SLC22A31: variants seen among roughly 807,000 people sequenced by gnomAD.
SLC22A31 encodes putative solute carrier family 22 member 31.
Under a neutral mutation model 27.4 loss-of-function variants are expected in SLC22A31, and 42 were observed. That is an observed-to-expected ratio of 1.53 (90% confidence interval 1.20 to 1.98). The LOEUF (loss-of-function observed/expected upper bound fraction) is 1.98. SLC22A31 is among the 30% of genes most tolerant of loss of function. The pLI is 0.00. For missense variants in SLC22A31, 593 were observed against 479.9 expected, an observed-to-expected ratio of 1.24 and a Z score of -2.20; for synonymous variants, 290 against 230.8, an observed-to-expected ratio of 1.26 and a Z score of -2.33.
chr16:89,198,170 T>A lies in SLC22A31; in HGVS notation c.874A>T (p.Thr292Ser). ...AGGGATGCCAGGCCTGTGACCATGGTGCCCAGCAGCAGCACGGGGCGGCGT... is the reference window on the plus strand; with the variant it reads ...AGGGATGCCAGGCCTGTGACCATGGAGCCCAGCAGCAGCACGGGGCGGCGT... Reference protein sequence around the residue: ...CGRRPVLLLGTMVTGLASLLL... With the variant: ...CGRRPVLLLGSMVTGLASLLL... Residue 292 changes from threonine to serine, a missense_variant, in exon 7 of 9, where the codon ACC (threonine) becomes TCC (serine). Transcript: ENST00000682282. The A allele has an allele frequency of 2.0e-6, 3 of 1,535,138 alleles. No homozygotes were observed. The highest frequency in any genetic ancestry group is 2.6e-6 in the Non-Finnish European group (3 of 1,146,796).
Position 89,199,784 on chromosome 16 carries a change from G to A in SLC22A31, c.57C>T (p.Val19=), listed in dbSNP as rs920374826. The part of the protein sequence containing the change: ...WNLVCGDGWK[V]PLEQVSHLLG... The stretch of plus-strand genomic sequence containing the variant: ...GGAGGTGGCTCACCTGCTCCAGCGG[G>A]ACCTTCCAGCCGTCTCCACACACAA... Residue 19 remains valine (V), a synonymous_variant, in exon 2 of 9, where the codon GTC becomes GTT. Transcript: ENST00000682282. The A allele has an allele frequency of 7.4e-6, 3 of 403,852 alleles. No individual in the cohort carries two copies. The highest frequency in any genetic ancestry group is 6.2e-5 in the African/African-American group (3 of 48,726). The allele number at this position is 403,852 out of a possible 1,614,324, so 25.0% of individuals were successfully genotyped here.
chr16:89,198,073 C>T (rs117296012), intron 7 of SLC22A31, 49 bp downstream of exon 7: 91,781 of 1,520,614 alleles, frequency 0.06, 3,147 homozygotes, highest in Non-Finnish European at 0.07. Context: ...GGCAGACCGT[C>T]GGCCCAAACA....
chr16:89,198,869 C>T lies in SLC22A31; in HGVS notation c.453-72G>A, dbSNP rs565432658. 1.2e-5 allele frequency: 18 copies of T among 1,494,722 alleles called. No homozygotes were observed. In the South Asian group the frequency reaches 2.2e-4, roughly 18 times the overall value. The allele number at this position is 1,494,722 out of a possible 1,614,324, so 92.6% of individuals were successfully genotyped here. On this transcript the variant is annotated intron_variant, in intron 4 of 8. Transcript: ENST00000682282. Reference sequence around the variant, plus strand: ...GAAGGAGAGGCAAAGGCCAGGGCCCCCACCCCACCCCCAGGCTCAGGGGCA... The same window carrying T: ...GAAGGAGAGGCAAAGGCCAGGGCCCTCACCCCACCCCCAGGCTCAGGGGCA...
Position 89,198,673 on chromosome 16 carries a change from C to T in SLC22A31, c.577G>A (p.Glu193Lys), listed in dbSNP as rs554669237. The part of the protein sequence containing the change: ...SGVGPGDSSL[E>K]ENSLATELTM... ...TGACCTGTAGCCAGGGAGTTCTCCT[C>T]CAAGGAACTGTCCCCGGGGCCCACG... Residue 193 changes from glutamate to lysine, a missense_variant, in exon 5 of 9, where the codon GAG (glutamate) becomes AAG (lysine). Coordinates refer to ENST00000682282, the MANE Select transcript of SLC22A31 (RefSeq NM_001384763.1). 2.6e-4 allele frequency: 400 copies of T among 1,535,774 alleles called. 1 individual carries two copies. The highest frequency in any genetic ancestry group is 3.4e-4 in the Non-Finnish European group (387 of 1,146,802).
chr16:89,198,280 G>A lies in SLC22A31; in HGVS notation c.764C>T (p.Pro255Leu), dbSNP rs572995617. The change falls in exon 7 of 9, where the codon CCG (proline) becomes CTG (leucine). Residue 255 changes from proline to leucine, a missense_variant. By Grantham distance (98) the Pro-to-Leu change is moderately conservative. Transcript: ENST00000682282. ...SFRRSLAPQVPTFYLPYFLEA... is the reference protein window; with the variant it reads ...SFRRSLAPQVLTFYLPYFLEA... The stretch of plus-strand genomic sequence containing the variant: ...CAGGAAGTAGGGCAGGTAGAAGGTC[G>A]GCACCTGAGGTGCCAGGCTGCGGCG... The A allele has an allele frequency of 5.9e-6, 9 of 1,535,814 alleles. No individual in the cohort carries two copies. The highest frequency in any genetic ancestry group is 2.7e-5 in the African/African-American group (2 of 73,044).
upstream of SLC22A31, chr16:89,201,240 G>C (rs1361727087): frequency 5.4e-6 from 2 of 369,950 alleles, no homozygotes; most frequent in African/African-American, 4.2e-5. Flanking sequence ...AGGGCTGCGG[G>C]GCAGCAGGGA....
At position 89,198,346 on chromosome 16, in the gene SLC22A31, A is replaced by T; in HGVS notation, c.708-10T>A. On this transcript the variant is annotated splice_polypyrimidine_tract_variant and intron_variant, in intron 6 of 8. Transcript: ENST00000682282. ...GCCTCCACCAACCAGCCTGGGAGAG[A>T]GAGCAAATCTATGGGCCCAGCCAGA... 1 of 1,535,768 alleles carries T rather than the reference A, an allele frequency of 6.5e-7. No homozygotes were observed. The highest frequency in any genetic ancestry group is 1.2e-5 in the South Asian group (1 of 84,054).
In SLC22A31 at chr16:89,196,089, T is replaced by A; in HGVS notation, c.1251A>T (p.Pro417=). The change falls in exon 9 of 9, where the codon CCA becomes CCT. Residue 417 remains proline, a synonymous_variant. Transcript: ENST00000682282. ...CCTGGCGGGGGCGGCCCCGCAGGAG[T>A]GGGGAGCGGCGCAGGCGGTCGGCGT... ...LQDADRLRRS[P]LLRGRPRQDH... The A allele has an allele frequency of 2.0e-6, 3 of 1,530,440 alleles. No homozygotes were observed. The highest frequency in any genetic ancestry group is 2.0e-5 in the Admixed American group (1 of 50,752). The allele number at this position is 1,530,440 out of a possible 1,614,324, so 94.8% of individuals were successfully genotyped here.
At chr16:89,199,379 C>G (rs1342566587) in intron 3 of SLC22A31, 34 bp downstream of exon 3, 11 of 609,730 alleles carry the variant, frequency 1.8e-5, no homozygotes, top group Non-Finnish European at 2.8e-5. Context: ...CCCACTGCCC[C>G]TCCCCCAGTG....
rs1344890485 is a variant in SLC22A31 at position 89,198,123 on chromosome 16, C to T, written c.921G>A (p.Gln307=). The change falls in exon 7 of 9, where the codon CAG becomes CAA. Residue 307 remains glutamine, a splice_region_variant and synonymous_variant. Coordinates refer to ENST00000682282, the MANE Select transcript of SLC22A31 (RefSeq NM_001384763.1). ...TGGCCTGCGGGGCCCCAAGCTCACA[C>T]TGGGCCCCAGCGAGGAGCAGCAGGG... ...LASLLLLAGA[Q]YLPGWTVLFL... 6 of 1,504,956 alleles carry T rather than the reference C, an allele frequency of 4.0e-6. No individual in the cohort carries two copies. The Admixed American group carries it at 9.9e-5, about 25-fold the overall frequency. 93.2% of individuals were successfully genotyped at this position (1,504,956 alleles called of 1,614,324 possible).
In SLC22A31 at chr16:89,199,435, G is replaced by T. The variant is rs1916336094; in HGVS notation, c.261C>A (p.Ala87=). Residue 87 remains alanine, a synonymous_variant, in exon 3 of 9, where the codon GCC becomes GCA. Coordinates refer to ENST00000682282, the MANE Select transcript of SLC22A31 (RefSeq NM_001384763.1). ...CACGAGCCAGATACAGGGCGAGGAG[G>T]GCCCCTGCCAATGTGCCCCCGTGGA... ...RLLHGGTLAG[A]LLALYLARLE... The T allele has an allele frequency of 3.7e-6, 2 of 542,936 alleles. No homozygotes were observed. The highest frequency in any genetic ancestry group is 3.8e-5 in the African/African-American group (2 of 53,164). The allele number at this position is 542,936 out of a possible 1,614,324, so 33.6% of individuals were successfully genotyped here. A position where few individuals can be genotyped will look rare whatever the true frequency, so the allele number is the denominator to read the frequency against.
At chr16:89,200,648 C>T (rs764261404), upstream of SLC22A31, among the ~76,000 whole-genome samples, 1 of 152,146 alleles carries the variant, frequency 6.6e-6, no homozygotes, top group Non-Finnish European at 1.5e-5. Context: ...TGGGGCCAGT[C>T]CTCCCAGGAT....
Position 89,198,437 on chromosome 16 carries a change from C to T in SLC22A31, c.707+5G>A. On this transcript the variant is annotated splice_donor_5th_base_variant and intron_variant, in intron 6 of 8. Transcript: ENST00000682282. ...GTGCAGGACCCCAGCCCTTCCTCGA[C>T]TCACGAGCTGAAGCCCAAGATAAGC... 4 of 1,517,296 alleles carry T rather than the reference C, an allele frequency of 2.6e-6. No homozygotes were observed. Among genetic ancestry groups the T allele is most frequent in the East Asian group, 2.5e-5 (1 of 40,678 alleles). 94.0% of individuals were successfully genotyped at this position (1,517,296 alleles called of 1,614,324 possible).
chr16:89,196,390 T>A (rs1915924271), intron 8 of SLC22A31, 85 bp from the exon 9 acceptor site: 1 of 787,570 alleles, frequency 1.3e-6, no homozygotes, highest in Non-Finnish European at 1.8e-6. Flanking sequence ...GGCCCCCCTG[T>A]GGGACAGAGT....
At chr16:89,199,610 C>A (rs913754970) in intron 2 of SLC22A31, 43 bp from the exon 3 acceptor site, 52 of 416,528 alleles carry the variant, frequency 1.2e-4, no homozygotes, top group Non-Finnish European at 1.9e-4. Context: ...GTCAGGATAA[C>A]CCAGGGTCCA....
intron 7 of SLC22A31, 139 bp from the exon 8 acceptor site, chr16:89,197,548 C>G (rs1916076576): frequency 3.2e-6 from 2 of 621,260 alleles, no homozygotes; most frequent in African/African-American, 3.7e-5. Context: ...CCTGAGAAAC[C>G]TGGAGGGGGA....
At chr16:89,201,104 C>T, upstream of SLC22A31, 1 of 374,728 alleles carries the variant, frequency 2.7e-6, no homozygotes, top group East Asian at 3.9e-5. Flanking sequence ...CGCCCGTCTG[C>T]GGCACCGTCG....
At chr16:89,198,047 T>G in intron 7 of SLC22A31, 75 bp downstream of exon 7, 1 of 1,483,530 alleles carries the variant, frequency 6.7e-7, no homozygotes, top group South Asian at 1.3e-5. Context: ...CTGTCGGCAC[T>G]ATGGCCCCCT....
At chr16:89,201,458 C>T, upstream of SLC22A31, 1 of 391,490 alleles carries the variant, frequency 2.6e-6, no homozygotes, top group Admixed American at 4.5e-5. Context: ...CGGCGTCCAG[C>T]AGCGCGGGTC....
Sources: gnomAD v4.1 joint callset for allele counts (sites outside exome capture counted in the v4.1 genomes callset) on GRCh38, gnomAD v4.1.1 for gene constraint, MANE v1.5 for transcripts, NCBI Gene and HGNC (gene_info 2026-07-23, HGNC 2026-07-21) for gene names.